FAT3: variants seen among roughly 807,000 people sequenced by gnomAD.
The protein encoded by FAT3 is FAT atypical cadherin 3.
FAT3 carries 95 observed loss-of-function variants against 310.2 expected under a neutral mutation model. That is an observed-to-expected ratio of 0.31 (90% CI 0.26 to 0.36). The LOEUF (loss-of-function observed/expected upper bound fraction) is 0.36. Ranked by LOEUF, FAT3 falls within the 10% of genes least tolerant of loss-of-function variation. The probability of loss-of-function intolerance (pLI) is 1.00; values close to 1 mark genes in which losing one functional copy is unlikely to be tolerated. For synonymous variants in FAT3, 2,314 were observed against 2,192.9 expected, an observed-to-expected ratio of 1.06 and a Z score of -1.54; for missense variants, 5,408 against 5,715.6, an observed-to-expected ratio of 0.95 and a Z score of 1.74.
chr11:92,478,030 C>T (rs984449629), intron 2 of FAT3, among the ~76,000 whole-genome samples: 7 of 152,158 alleles, frequency 4.6e-5, no homozygotes, highest in Non-Finnish European at 7.3e-5. Flanking sequence ...ACTTTCCTGA[C>T]GTGTCCTTGG....
intron 2 of FAT3, among the ~76,000 whole-genome samples, chr11:92,523,259 A>G (rs1353972391): frequency 1.3e-5 from 2 of 152,220 alleles, no homozygotes; most frequent in East Asian, 1.9e-4. Flanking sequence ...TCTTCTAACT[A>G]CCAGATATCA....
chr11:92,387,337 T>G (rs1949649579), intron 2 of FAT3, among the ~76,000 whole-genome samples: 1 of 151,994 alleles, frequency 6.6e-6, no homozygotes, highest in Admixed American at 6.6e-5. Flanking sequence ...GTGGTTACAT[T>G]AAATGGTTTT....
chr11:92,324,493 G>A (rs1364484090), intron 1 of FAT3, among the ~76,000 whole-genome samples: 3 of 152,172 alleles, frequency 2.0e-5, no homozygotes, highest in Non-Finnish European at 4.4e-5. Context: ...CTTATTGGTA[G>A]AGCAGTTAGA....
At chr11:92,355,453 G>A (rs760857928) in intron 2 of FAT3, 49 bp downstream of exon 2, 2 of 1,529,318 alleles carry the variant, frequency 1.3e-6, no homozygotes, top group Non-Finnish European at 1.8e-6. Context: ...TCTTTTAAAT[G>A]GTCAACAGTG....
intron 4 of FAT3, among the ~76,000 whole-genome samples, chr11:92,743,051 C>T (rs1332942652): frequency 6.6e-6 from 1 of 152,180 alleles, no homozygotes; most frequent in Non-Finnish European, 1.5e-5. Context: ...AAGTATGTTC[C>T]TTGAAATATC....
At chr11:92,266,046 TTA>T (rs1945936118) in intron 1 of FAT3, among the ~76,000 whole-genome samples, 1 of 152,180 alleles carries the variant, frequency 6.6e-6, no homozygotes, top group Non-Finnish European at 1.5e-5. Flanking sequence ...CCAGCTAAAA[TTA>T]TGGCTTCAAT....
chr11:92,571,167 A>G (rs529732727), intron 3 of FAT3, among the ~76,000 whole-genome samples: 1 of 152,322 alleles, frequency 6.6e-6, no homozygotes, highest in South Asian at 2.1e-4. Context: ...CTAAATATGA[A>G]GAATGAATTA....
chr11:92,664,130 C>T (rs1369830635), intron 3 of FAT3, among the ~76,000 whole-genome samples: 1 of 152,146 alleles, frequency 6.6e-6, no homozygotes, highest in Non-Finnish European at 1.5e-5. Context: ...CATGGCATGT[C>T]CTTTTCTTAC....
At chr11:92,332,828 C>T (rs541841676) in intron 1 of FAT3, among the ~76,000 whole-genome samples, 3 of 152,258 alleles carry the variant, frequency 2.0e-5, no homozygotes, top group East Asian at 1.9e-4. Context: ...TTTTCTTTCT[C>T]CTACACAGCA....
intron 2 of FAT3, among the ~76,000 whole-genome samples, chr11:92,467,225 C>T (rs1464983189): frequency 2.0e-5 from 3 of 152,126 alleles, no homozygotes; most frequent in African/African-American, 4.8e-5. Flanking sequence ...TATTTCTCCA[C>T]ATCCTCTCCA....
intron 3 of FAT3, among the ~76,000 whole-genome samples, chr11:92,641,739 G>A (rs1029342683): frequency 2.6e-5 from 4 of 152,300 alleles, no homozygotes; most frequent in East Asian, 1.9e-4. Flanking sequence ...TCACATTCAC[G>A]TATTCCAAGG....
intron 1 of FAT3, among the ~76,000 whole-genome samples, chr11:92,242,166 T>C (rs1864691057): frequency 1.3e-5 from 2 of 152,080 alleles, no homozygotes; most frequent in South Asian, 4.1e-4. Context: ...TTGACTCTTT[T>C]CAAGGATTAA....
At chr11:92,813,352 C>T (rs117046096) in intron 13 of FAT3, among the ~76,000 whole-genome samples, 2,863 of 152,258 alleles carry the variant, frequency 0.019, 42 homozygotes, top group Middle Eastern at 0.058. Context: ...CCCCTTCACC[C>T]AGCCCTTCTC....
intron 1 of FAT3, among the ~76,000 whole-genome samples, chr11:92,264,675 C>T (rs1166642527): frequency 1.3e-5 from 2 of 152,130 alleles, no homozygotes; most frequent in South Asian, 2.1e-4. Context: ...TGTTTTCTGA[C>T]TTCGTGAGAG....
rs538811371 is a variant in FAT3 at position 92,665,206 on chromosome 11, G to A, written c.3608-32178G>A. ...CCTTCAGAACCTCCCACAAATGCAC[G>A]TTGGCATTTGGTTTGAATGCTACTG... On this transcript the variant is annotated intron_variant, in intron 3 of 27. Coordinates refer to ENST00000525166, the MANE Select transcript of FAT3 (RefSeq NM_001367949.2). Among the ~76,000 whole-genome samples, 72 of 152,284 alleles carry A rather than the reference G, an allele frequency of 4.7e-4. 1 individual carries two copies. The South Asian group carries it at 0.011, about 24-fold the overall frequency.
chr11:92,354,972 G>GGC lies in FAT3; in HGVS notation c.2860_2861insGC (p.Val954GlyfsTer33). 1 of 1,613,844 alleles carries GGC rather than the reference G, an allele frequency of 6.2e-7. No homozygotes were observed. The highest frequency in any genetic ancestry group is 8.5e-7 in the Non-Finnish European group (1 of 1,179,844). ...TCTTGAAGATCTCCCTGTTGGCACT[G>GGC]TCATTGCTTGGCTTGAGACCCATGA... On this transcript the variant is annotated frameshift_variant, in exon 2 of 28. Transcript: ENST00000525166. LOFTEE classifies it high-confidence loss of function.
rs1038761033 is a variant in FAT3 at position 92,490,496 on chromosome 11, G to A, written c.3293-34138G>A. ...GAAGTGGAGACTATCAAAAAACATT[G>A]TGTATGAAAGGATTTTGTATGCTGT... On this transcript the variant is annotated intron_variant, in intron 2 of 27. Transcript: ENST00000525166. 2.0e-5 allele frequency among the ~76,000 whole-genome samples: 3 copies of A among 152,054 alleles called. No individual in the cohort carries two copies. The South Asian group carries it at 6.2e-4, about 32-fold the overall frequency.
chr11:92,377,443 T>C (rs1949377526), intron 2 of FAT3, among the ~76,000 whole-genome samples: 1 of 152,230 alleles, frequency 6.6e-6, no homozygotes, highest in African/African-American at 2.4e-5. Context: ...TAAGATTCTG[T>C]TCAGCTGCCC....
At chr11:92,672,719 A>G (rs1943169667) in intron 3 of FAT3, among the ~76,000 whole-genome samples, 1 of 152,208 alleles carries the variant, frequency 6.6e-6, no homozygotes, top group South Asian at 2.1e-4. Context: ...AGGAACTGGG[A>G]CATAACAATT....
Sources: gnomAD v4.1 joint callset for allele counts (sites outside exome capture counted in the v4.1 genomes callset) on GRCh38, gnomAD v4.1.1 for gene constraint, MANE v1.5 for transcripts, NCBI Gene and HGNC (gene_info 2026-07-23, HGNC 2026-07-21) for gene names.